Variants in OSTF1 observed in about 807,000 individuals in gnomAD.
OSTF1 encodes the protein osteoclast-stimulating factor 1.
In OSTF1, 27 loss-of-function variants were observed where a neutral mutation model predicts 37.2. That is an observed-to-expected ratio of 0.73 (90% CI 0.54 to 1.00). The LOEUF is 1.00. Among genes scored for constraint, OSTF1 ranks in the 50% least tolerant of loss-of-function variants. The pLI, the probability that OSTF1 is intolerant of heterozygous loss-of-function variation, is 0.00. For missense variants in OSTF1, 232 were observed against 253.8 expected (o/e 0.91, Z 0.58); for synonymous variants, 82 against 89.2 (o/e 0.92, Z 0.46).
intron 2 of OSTF1, among the ~76,000 whole-genome samples, chr9:75,120,105 A>G (rs1017375348): frequency 1.3e-5 from 2 of 152,220 alleles, no homozygotes; most frequent in Non-Finnish European, 2.9e-5. Context: ...GATGAACCCA[A>G]TAAACTCATT....
chr9:75,109,693 A>C (rs1825351471), intron 1 of OSTF1, among the ~76,000 whole-genome samples: 1 of 152,204 alleles, frequency 6.6e-6, no homozygotes, highest in South Asian at 2.1e-4. Context: ...CTTCCTACGG[A>C]AGATGACCGG....
chr9:75,095,754 A>T (rs1825070107), intron 1 of OSTF1, among the ~76,000 whole-genome samples: 1 of 152,226 alleles, frequency 6.6e-6, no homozygotes, highest in African/African-American at 2.4e-5. Flanking sequence ...TTAAATGCAC[A>T]CGTCAGCCCT....
chr9:75,131,830 G>A lies in OSTF1; in HGVS notation c.250+7G>A, dbSNP rs776588758. On this transcript the variant is annotated splice_region_variant and intron_variant, in intron 5 of 9. Coordinates refer to ENST00000346234, the MANE Select transcript of OSTF1 (RefSeq NM_012383.5). ...CATGAAGCAGCAAAAAGAGGTAGGT[G>A]TGATTCTTTTTGACTGAGGTATGCA... 9.9e-6 allele frequency: 16 copies of A among 1,609,296 alleles called. No homozygotes were observed. The East Asian group carries it at 3.3e-4, about 34-fold the overall frequency.
At chr9:75,143,391 C>G (rs1411589741) in intron 9 of OSTF1, among the ~76,000 whole-genome samples, 1 of 152,098 alleles carries the variant, frequency 6.6e-6, no homozygotes, top group East Asian at 1.9e-4. Context: ...GTACATAAAT[C>G]TTAAGCATAC....
intron 1 of OSTF1, among the ~76,000 whole-genome samples, chr9:75,095,027 C>G (rs995268536): frequency 6.6e-6 from 1 of 152,134 alleles, no homozygotes; most frequent in East Asian, 1.9e-4. Flanking sequence ...GAGACCCTGT[C>G]TCAAATAAAC....
chr9:75,099,143 G>A (rs1030497737), intron 1 of OSTF1, among the ~76,000 whole-genome samples: 1 of 152,088 alleles, frequency 6.6e-6, no homozygotes, highest in South Asian at 2.1e-4. Context: ...TCATCATGTT[G>A]GCCAGGCTGG....
intron 9 of OSTF1, among the ~76,000 whole-genome samples, chr9:75,144,952 A>G (rs1825996785): frequency 4.6e-5 from 7 of 152,292 alleles, no homozygotes; most frequent in Non-Finnish European, 1.5e-5. Flanking sequence ...TTTATTTATT[A>G]AAGAAACTGG....
chr9:75,096,770 G>A (rs1481723068), intron 1 of OSTF1, among the ~76,000 whole-genome samples: 3 of 152,158 alleles, frequency 2.0e-5, no homozygotes, highest in African/African-American at 4.8e-5. Context: ...ACTTTAGCTC[G>A]CTGAGTGTGG....
At chr9:75,113,668 A>T in intron 1 of OSTF1, among the ~76,000 whole-genome samples, 1 of 151,546 alleles carries the variant, frequency 6.6e-6, no homozygotes, top group East Asian at 1.9e-4. Flanking sequence ...AGGCTGGGCA[A>T]CCCTTTTTGT....
At position 75,131,842 on chromosome 9, in the gene OSTF1, G is replaced by GA. The variant is rs775108025; in HGVS notation, c.250+20dup. On this transcript the variant is annotated intron_variant, in intron 5 of 9. Coordinates refer to ENST00000346234, the MANE Select transcript of OSTF1 (RefSeq NM_012383.5). Reference sequence around the variant, plus strand: ...AAAAGAGGTAGGTGTGATTCTTTTTGACTGAGGTATGCAGTACAGTAAAAG... The same window carrying GA: ...AAAAGAGGTAGGTGTGATTCTTTTTGAACTGAGGTATGCAGTACAGTAAAAG... The GA allele has an allele frequency of 1.6e-5, 25 of 1,597,636 alleles. No individual in the cohort carries two copies. The highest frequency in any genetic ancestry group is 1.7e-4 in the Middle Eastern group (1 of 6,020).
At chr9:75,127,303 A>C (rs1825676299) in intron 2 of OSTF1, among the ~76,000 whole-genome samples, 1 of 152,200 alleles carries the variant, frequency 6.6e-6, no homozygotes, top group Non-Finnish European at 1.5e-5. Context: ...TTTGATATAC[A>C]AATGTCTTGC....
intron 2 of OSTF1, among the ~76,000 whole-genome samples, chr9:75,119,748 C>T (rs866233901): frequency 3.3e-5 from 5 of 152,150 alleles, no homozygotes; most frequent in African/African-American, 7.2e-5. Context: ...GGGTGGATCA[C>T]GAGGTCAGAA....
intron 6 of OSTF1, 89 bp from the exon 7 acceptor site, chr9:75,134,257 G>T: frequency 1.8e-6 from 1 of 555,406 alleles, no homozygotes; most frequent in Admixed American, 3.5e-5. Flanking sequence ...TTCTTCTGAA[G>T]AATCTCTCTT....
At chr9:75,127,731 G>A in intron 3 of OSTF1, 112 bp downstream of exon 3, 1 of 584,746 alleles carries the variant, frequency 1.7e-6, no homozygotes, top group Non-Finnish European at 3.0e-6. Flanking sequence ...GTACAAGTCT[G>A]TTCATTTTAG....
At chr9:75,140,590 G>A (rs965838671) in intron 8 of OSTF1, among the ~76,000 whole-genome samples, 7 of 152,204 alleles carry the variant, frequency 4.6e-5, no homozygotes, top group Non-Finnish European at 8.8e-5. Context: ...AAGTTCACAT[G>A]CAATTCTATA....
intron 2 of OSTF1, among the ~76,000 whole-genome samples, chr9:75,120,844 AGT>A (rs1326983075): frequency 3.9e-5 from 6 of 152,192 alleles, no homozygotes; most frequent in African/African-American, 1.2e-4. Context: ...TGTGACTCAC[AGT>A]AGAACCTATC....
chr9:75,137,497 C>T (rs1054257285), intron 7 of OSTF1, 41 bp from the exon 8 acceptor site: 2 of 1,304,120 alleles, frequency 1.5e-6, no homozygotes, highest in African/African-American at 2.9e-5. Flanking sequence ...TCAATCCACC[C>T]TCTATCTTAA....
At chr9:75,098,600 A>G (rs1285683318) in intron 1 of OSTF1, among the ~76,000 whole-genome samples, 1 of 152,166 alleles carries the variant, frequency 6.6e-6, no homozygotes, top group African/African-American at 2.4e-5. Flanking sequence ...AAAGTTGGTT[A>G]TAACTCAGTA....
intron 1 of OSTF1, among the ~76,000 whole-genome samples, chr9:75,095,769 A>T (rs188587627): frequency 6.6e-6 from 1 of 152,200 alleles, no homozygotes; most frequent in South Asian, 2.1e-4. Flanking sequence ...AGCCCTCTTC[A>T]CAGATTGCTT....
Sources: gnomAD v4.1 joint callset for allele counts (sites outside exome capture counted in the v4.1 genomes callset) on GRCh38, gnomAD v4.1.1 for gene constraint, MANE v1.5 for transcripts, NCBI Gene and HGNC (gene_info 2026-07-23, HGNC 2026-07-21) for gene names.